TMEM232: variants seen among roughly 807,000 people sequenced by gnomAD.
The protein encoded by TMEM232 is transmembrane protein 232.
A neutral mutation model predicts 78.8 loss-of-function variants in TMEM232; 80 were observed. The observed-to-expected ratio is 1.01, with a 90% CI of 0.85 to 1.22. The LOEUF (loss-of-function observed/expected upper bound fraction) is 1.22. Ranked by LOEUF, TMEM232 falls within the 50% of genes most tolerant of loss-of-function variation. The pLI, the probability that TMEM232 is intolerant of heterozygous loss-of-function variation, is 0.00. For synonymous variants in TMEM232, 297 were observed against 254.3 expected, an observed-to-expected ratio of 1.17 and a Z score of -1.60; for missense variants, 881 against 742.2, an observed-to-expected ratio of 1.19 and a Z score of -2.17.
chr5:110,540,905 A>G (rs1773022929), intron 11 of TMEM232, among the ~76,000 whole-genome samples: 1 of 152,202 alleles, frequency 6.6e-6, no homozygotes, highest in Admixed American at 6.6e-5. Flanking sequence ...CAGCTATTAA[A>G]AGCAGTACAC....
intron 2 of TMEM232, among the ~76,000 whole-genome samples, chr5:110,664,591 A>G (rs1580569706): frequency 6.6e-6 from 1 of 152,214 alleles, no homozygotes; most frequent in Admixed American, 6.5e-5. Flanking sequence ...TGAGGCTTCT[A>G]TAACAAAACA....
At chr5:110,454,412 A>T (rs1483467166) in intron 12 of TMEM232, among the ~76,000 whole-genome samples, 2 of 152,088 alleles carry the variant, frequency 1.3e-5, no homozygotes, top group Non-Finnish European at 2.9e-5. Context: ...GGAGCCTAGG[A>T]GTTCTGGGCA....
chr5:110,675,678 A>G (rs1328076557), intron 1 of TMEM232, among the ~76,000 whole-genome samples: 1 of 152,158 alleles, frequency 6.6e-6, no homozygotes, highest in Admixed American at 6.5e-5. Context: ...AATTGTATAT[A>G]TTTATGTTGT....
intron 1 of TMEM232, among the ~76,000 whole-genome samples, chr5:110,686,433 G>T (rs576510252): frequency 2.0e-5 from 3 of 151,886 alleles, no homozygotes; most frequent in Non-Finnish European, 4.4e-5. Context: ...GAGCCATTTT[G>T]GTTGTCCAAC....
intron 3 of TMEM232, among the ~76,000 whole-genome samples, chr5:110,393,802 C>T (rs535850854): frequency 6.6e-6 from 1 of 151,664 alleles, no homozygotes; most frequent in South Asian, 2.1e-4. Flanking sequence ...ACTAAAAATA[C>T]AAAAATTAGC....
chr5:110,649,797 C>A (rs1788039229), intron 2 of TMEM232, among the ~76,000 whole-genome samples: 1 of 151,948 alleles, frequency 6.6e-6, no homozygotes, highest in Admixed American at 6.6e-5. Context: ...ACTTATTAAG[C>A]TTTTTTGTCT....
chr5:110,592,998 G>T (rs1407934938), intron 10 of TMEM232, among the ~76,000 whole-genome samples: 3 of 152,102 alleles, frequency 2.0e-5, no homozygotes, highest in Non-Finnish European at 4.4e-5. Context: ...AGGAACACAG[G>T]TGACAAAAAT....
At chr5:110,418,177 C>T (rs569446750), downstream of TMEM232, 5 of 152,264 alleles carry the variant, frequency 3.3e-5, no homozygotes, top group African/African-American at 1.2e-4. Flanking sequence ...CAGTTTCTAA[C>T]ACCTTTGAAA....
chr5:110,559,227 TA>T (rs1775477646), intron 11 of TMEM232, among the ~76,000 whole-genome samples: 2 of 152,168 alleles, frequency 1.3e-5, no homozygotes, highest in African/African-American at 4.8e-5. Flanking sequence ...ATCCTAATCT[TA>T]ACCATTTTTC....
chr5:110,697,111 C>T (rs966213121), intron 1 of TMEM232, among the ~76,000 whole-genome samples: 18 of 151,994 alleles, frequency 1.2e-4, no homozygotes, highest in East Asian at 1.2e-3. Context: ...TACAGACCAA[C>T]GGAACACAAC....
At chr5:110,440,161 G>A (rs914738826) in intron 12 of TMEM232, among the ~76,000 whole-genome samples, 3 of 152,182 alleles carry the variant, frequency 2.0e-5, no homozygotes, top group African/African-American at 4.8e-5. Context: ...GAATAATGAT[G>A]CATATGACTT....
At chr5:110,626,990 T>C (rs555859949) in intron 6 of TMEM232, among the ~76,000 whole-genome samples, 20 of 152,188 alleles carry the variant, frequency 1.3e-4, no homozygotes, top group Admixed American at 9.8e-4. Flanking sequence ...CACATTAACA[T>C]GGATGACTGT....
intron 5 of TMEM232, among the ~76,000 whole-genome samples, chr5:110,387,580 CA>C (rs1338844918): frequency 2.0e-5 from 3 of 152,166 alleles, no homozygotes; most frequent in African/African-American, 7.2e-5. Flanking sequence ...ACTCACCAGT[CA>C]ATGGTGATTT....
chr5:110,403,056 C>T (rs1341064175), intron 2 of TMEM232, among the ~76,000 whole-genome samples: 1 of 152,048 alleles, frequency 6.6e-6, no homozygotes, highest in Non-Finnish European at 1.5e-5. Flanking sequence ...AGACAACTCA[C>T]TTTGTACCTT....
chr5:110,475,250 T>C (rs988562532), intron 12 of TMEM232, among the ~76,000 whole-genome samples: 2 of 151,770 alleles, frequency 1.3e-5, no homozygotes, highest in African/African-American at 4.8e-5. Flanking sequence ...AAGCCTGTAT[T>C]TTTTTTCTGA....
chr5:110,486,947 AC>A (rs1445372936), intron 12 of TMEM232, among the ~76,000 whole-genome samples: 1 of 152,074 alleles, frequency 6.6e-6, no homozygotes, highest in African/African-American at 2.4e-5. Context: ...ATTAATGAGC[AC>A]GGGATGTGTT....
chr5:110,526,712 G>A (rs186516505), intron 12 of TMEM232, among the ~76,000 whole-genome samples: 1 of 151,856 alleles, frequency 6.6e-6, no homozygotes, highest in East Asian at 1.9e-4. Context: ...AATTTATCCT[G>A]CAAGTATTCT....
chr5:110,423,187 C>T (rs1756859311), intron 13 of TMEM232, among the ~76,000 whole-genome samples: 1 of 152,138 alleles, frequency 6.6e-6, no homozygotes, highest in African/African-American at 2.4e-5. Flanking sequence ...GGTTAGGAAT[C>T]ATAAGCCAAG....
At chr5:110,654,307 A>G (rs999586973) in intron 2 of TMEM232, among the ~76,000 whole-genome samples, 3 of 152,192 alleles carry the variant, frequency 2.0e-5, no homozygotes, top group African/African-American at 7.2e-5. Context: ...TCTTTAATCC[A>G]TCTTGAATTA....
Sources: gnomAD v4.1 joint callset for allele counts (sites outside exome capture counted in the v4.1 genomes callset) on GRCh38, gnomAD v4.1.1 for gene constraint, MANE v1.5 for transcripts, NCBI Gene and HGNC (gene_info 2026-07-23, HGNC 2026-07-21) for gene names.